The following ST6GAL2 variants were observed in gnomAD, a reference collection of about 807,000 sequenced individuals.
The protein encoded by ST6GAL2 is beta-galactoside alpha-2,6-sialyltransferase 2.
ST6GAL2 carries 24 observed loss-of-function variants against 37.5 expected under a neutral mutation model. That is an observed-to-expected ratio of 0.64 (90% CI 0.46 to 0.90). The LOEUF (loss-of-function observed/expected upper bound fraction) is 0.90, where lower values mean the gene tolerates loss of function less well. ST6GAL2 is among the 40% of genes least tolerant of loss of function. The probability of loss-of-function intolerance (pLI) is 0.00; values close to 1 mark genes in which losing one functional copy is unlikely to be tolerated. For synonymous variants in ST6GAL2, 306 were observed against 295.1 expected (o/e 1.04, Z -0.38); for missense variants, 715 against 712.7 (o/e 1.00, Z -0.04).
At chr2:106,868,742 AG>A (rs546012957) in intron 1 of ST6GAL2, among the ~76,000 whole-genome samples, 5 of 152,166 alleles carry the variant, frequency 3.3e-5, no homozygotes, top group Non-Finnish European at 5.9e-5. Flanking sequence ...ATCTGTGTAG[AG>A]TTTGGGGGTT....
chr2:106,807,228 G>C (rs952639682), intron 5 of ST6GAL2, among the ~76,000 whole-genome samples: 1 of 152,104 alleles, frequency 6.6e-6, no homozygotes, highest in Admixed American at 6.5e-5. Context: ...AAAGAAGTCA[G>C]TGAACTTGAG....
intron 5 of ST6GAL2, among the ~76,000 whole-genome samples, chr2:106,823,739 G>A (rs1452772632): frequency 6.6e-6 from 1 of 152,110 alleles, no homozygotes; most frequent in Non-Finnish European, 1.5e-5. Context: ...ATTTCTCATA[G>A]TTTTAGGGGC....
intron 1 of ST6GAL2, among the ~76,000 whole-genome samples, chr2:106,865,382 T>G (rs1188212623): frequency 6.6e-6 from 1 of 151,948 alleles, no homozygotes; most frequent in Non-Finnish European, 1.5e-5. Flanking sequence ...ATGCTTAGAG[T>G]TTCTACAGGG....
chr2:106,807,421 G>A (rs1675453614), intron 5 of ST6GAL2, among the ~76,000 whole-genome samples: 1 of 152,116 alleles, frequency 6.6e-6, no homozygotes, highest in Non-Finnish European at 1.5e-5. Context: ...TAATACAGTT[G>A]TTTGAAAACT....
At chr2:106,817,574 G>C (rs974031863) in intron 5 of ST6GAL2, among the ~76,000 whole-genome samples, 2 of 152,346 alleles carry the variant, frequency 1.3e-5, no homozygotes, top group African/African-American at 4.8e-5. Context: ...GTGGTACTCA[G>C]GCAGTACTCA....
intron 5 of ST6GAL2, among the ~76,000 whole-genome samples, chr2:106,823,725 A>G (rs1255160948): frequency 6.6e-6 from 1 of 152,142 alleles, no homozygotes. Flanking sequence ...AATGACAAGA[A>G]TTTATTTCTC....
chr2:106,834,294 T>C, intron 2 of ST6GAL2, 148 bp from the exon 3 acceptor site: 1 of 619,814 alleles, frequency 1.6e-6, no homozygotes, highest in Middle Eastern at 3.7e-4. Flanking sequence ...TTCAGAGAAT[T>C]TACTCTTCAC....
chr2:106,816,711 G>A (rs570022463), intron 5 of ST6GAL2, among the ~76,000 whole-genome samples: 2 of 152,294 alleles, frequency 1.3e-5, no homozygotes, highest in East Asian at 3.9e-4. Flanking sequence ...CCTGCCAGCA[G>A]GAACACCAAA....
At chr2:106,827,053 C>T (rs1676236944) in intron 5 of ST6GAL2, among the ~76,000 whole-genome samples, 1 of 152,146 alleles carries the variant, frequency 6.6e-6, no homozygotes, top group South Asian at 2.1e-4. Context: ...TCTAACAGCT[C>T]TTCGATGAGT....
At chr2:106,853,533 C>T (rs942730318) in intron 1 of ST6GAL2, among the ~76,000 whole-genome samples, 1 of 152,138 alleles carries the variant, frequency 6.6e-6, no homozygotes, top group African/African-American at 2.4e-5. Flanking sequence ...TCGAAGGATG[C>T]ACAGGTATGG....
intron 2 of ST6GAL2, among the ~76,000 whole-genome samples, chr2:106,839,366 G>A (rs376973882): frequency 5.3e-5 from 8 of 152,034 alleles, no homozygotes; most frequent in East Asian, 3.9e-4. Flanking sequence ...TTAGGAATCC[G>A]TTGTCATTTC....
In ST6GAL2 at chr2:106,832,795, G is replaced by C. The variant is rs1445115837; in HGVS notation, c.1042-129C>G. ...TGGCTCAGACGTTGTATTTTCTTCT[G>C]GGGGAGGGAGAGAGGCAGGCGTTGC... On this transcript the variant is annotated intron_variant, in intron 3 of 5. Coordinates refer to ENST00000409382, the MANE Select transcript of ST6GAL2 (RefSeq NM_001142351.2). 4 of 698,282 alleles carry C rather than the reference G, an allele frequency of 5.7e-6. No homozygotes were observed. The African/African-American group carries it at 7.2e-5, about 12-fold the overall frequency. The allele number at this position is 698,282 out of a possible 1,614,324, so 43.3% of individuals were successfully genotyped here. A position where few individuals can be genotyped will look rare whatever the true frequency, so the allele number is the denominator to read the frequency against.
chr2:106,865,394 T>G (rs1022451102), intron 1 of ST6GAL2, among the ~76,000 whole-genome samples: 2 of 152,108 alleles, frequency 1.3e-5, no homozygotes, highest in Non-Finnish European at 2.9e-5. Context: ...TCTACAGGGG[T>G]GAAATGTGGC....
At chr2:106,834,211 T>C (rs1453951209) in intron 2 of ST6GAL2, 65 bp from the exon 3 acceptor site, 6 of 1,181,252 alleles carry the variant, frequency 5.1e-6, no homozygotes, top group Admixed American at 1.8e-5. Flanking sequence ...TAGGAAAAAA[T>C]GTTAAAGCAA....
chr2:106,860,493 T>G (rs1677753387), intron 1 of ST6GAL2, among the ~76,000 whole-genome samples: 1 of 152,036 alleles, frequency 6.6e-6, no homozygotes, highest in African/African-American at 2.4e-5. Flanking sequence ...GTTAGGTACT[T>G]GGGGATGGAG....
intron 1 of ST6GAL2, among the ~76,000 whole-genome samples, chr2:106,880,442 G>A (rs975828383): frequency 1.3e-5 from 2 of 152,194 alleles, no homozygotes; most frequent in Non-Finnish European, 2.9e-5. Context: ...TGCCTGAGAA[G>A]ACAATCTCAA....
At position 106,842,914 on chromosome 2, in the gene ST6GAL2, C is replaced by T. The variant is rs1264858076; in HGVS notation, c.943+121G>A. On this transcript the variant is annotated intron_variant, in intron 2 of 5. Transcript: ENST00000409382. ...AAGAATCTCCAGCTAATATTAGGAA[C>T]ACCTGGTGCGGAGACCCCAGCTTGC... 6.6e-6 allele frequency: 4 copies of T among 607,470 alleles called. No individual in the cohort carries two copies. The East Asian group carries it at 1.4e-4, about 22-fold the overall frequency. 37.6% of individuals were successfully genotyped at this position (607,470 alleles called of 1,614,324 possible).
rs371371850 is a variant in ST6GAL2 at position 106,834,925 on chromosome 2, C to T, written c.944-779G>A. The T allele has an allele frequency of 2.6e-5, 4 of 152,242 alleles. No individual in the cohort carries two copies. The East Asian group carries it at 5.8e-4, about 22-fold the overall frequency. The allele number at this position is 152,242 out of a possible 1,614,324, so 9.4% of individuals were successfully genotyped here. A position where few individuals can be genotyped will look rare whatever the true frequency, so the allele number is the denominator to read the frequency against. Reference sequence around the variant, plus strand: ...TCTCACTTCGTTCAACTTGACAGCCCGACTTGCCCAAGTTCTCTGAATGCT... The same window carrying T: ...TCTCACTTCGTTCAACTTGACAGCCTGACTTGCCCAAGTTCTCTGAATGCT... On this transcript the variant is annotated intron_variant, in intron 2 of 5. Coordinates refer to ENST00000409382, the MANE Select transcript of ST6GAL2 (RefSeq NM_001142351.2).
At position 106,843,599 on chromosome 2, in the gene ST6GAL2, C is replaced by A. The variant is rs1399789087; in HGVS notation, c.379G>T (p.Glu127Ter). ...GRKSQSAFYP[E>*]DDDYFFAAGQ... Reference sequence around the variant, plus strand: ...GCAGCAAAAAAGTAGTCGTCATCCTCCGGGTAGAAAGCACTTTGAGATTTT... The same window carrying A: ...GCAGCAAAAAAGTAGTCGTCATCCTACGGGTAGAAAGCACTTTGAGATTTT... The change falls in exon 2 of 6, where the codon GAG becomes TAG. Residue 127 changes from glutamate (E) to a stop codon, truncating the protein, a stop_gained. Coordinates refer to ENST00000409382, the MANE Select transcript of ST6GAL2 (RefSeq NM_001142351.2). LOFTEE classifies it high-confidence loss of function. The A allele has an allele frequency of 6.2e-6, 10 of 1,614,012 alleles. No individual in the cohort carries two copies. The East Asian group carries it at 2.0e-4, about 32-fold the overall frequency.
Sources: gnomAD v4.1 joint callset for allele counts (sites outside exome capture counted in the v4.1 genomes callset) on GRCh38, gnomAD v4.1.1 for gene constraint, MANE v1.5 for transcripts, NCBI Gene and HGNC (gene_info 2026-07-23, HGNC 2026-07-21) for gene names.